Variants in CPHXL observed in about 807,000 individuals in gnomAD.
CPHXL encodes cytoplasmic polyadenylated homeobox-like protein.
chr16:75,717,474 TTCTC>T (rs1293267929), intron 2 of CPHXL, among the ~76,000 whole-genome samples: 1 of 152,232 alleles, frequency 6.6e-6, no homozygotes, highest in Non-Finnish European at 1.5e-5. Flanking sequence ...ACTATGCACA[TTCTC>T]TCATATGCTT....
intron 1 of CPHXL, among the ~76,000 whole-genome samples, chr16:75,725,299 C>G (rs989722623): frequency 6.6e-6 from 1 of 151,764 alleles, no homozygotes; most frequent in East Asian, 1.9e-4. Context: ...TTCTTTTTTT[C>G]TTTATTTTTG....
chr16:75,725,906 C>T (rs185905106), intron 1 of CPHXL, among the ~76,000 whole-genome samples: 1 of 151,542 alleles, frequency 6.6e-6, no homozygotes, highest in Non-Finnish European at 1.5e-5. Context: ...GCCAGTCATA[C>T]TAAATTGGAT....
chr16:75,717,434 T>C (rs901714130), intron 2 of CPHXL, among the ~76,000 whole-genome samples: 1 of 152,242 alleles, frequency 6.6e-6, no homozygotes, highest in African/African-American at 2.4e-5. Flanking sequence ...GGCCCTCATA[T>C]ATATAAAACG....
intron 1 of CPHXL, among the ~76,000 whole-genome samples, chr16:75,724,258 G>A (rs1462320715): frequency 5.3e-5 from 8 of 152,308 alleles, no homozygotes; most frequent in Middle Eastern, 3.4e-3. Flanking sequence ...GGCAACGAAA[G>A]CCAAAATTGA....
chr16:75,719,298 G>T (rs1182293892), intron 1 of CPHXL, among the ~76,000 whole-genome samples: 1 of 152,158 alleles, frequency 6.6e-6, no homozygotes, highest in Non-Finnish European at 1.5e-5. Flanking sequence ...GCCGAAGCAG[G>T]GTGAGGCATC....
intron 1 of CPHXL, among the ~76,000 whole-genome samples, chr16:75,719,698 G>T (rs1410826182): frequency 6.6e-6 from 1 of 152,200 alleles, no homozygotes. Flanking sequence ...CCAAATAAAA[G>T]GCAGCAGAAT....
intron 1 of CPHXL, among the ~76,000 whole-genome samples, chr16:75,719,066 A>G (rs1352003344): frequency 6.6e-6 from 1 of 151,988 alleles, no homozygotes; most frequent in East Asian, 1.9e-4. Flanking sequence ...TAAATTAAAC[A>G]TGTATAAATA....
At chr16:75,723,785 C>T (rs988780337) in intron 1 of CPHXL, among the ~76,000 whole-genome samples, 44 of 152,168 alleles carry the variant, frequency 2.9e-4, no homozygotes, top group African/African-American at 8.4e-4. Flanking sequence ...AAAGAGCCCA[C>T]ATTGCCAAGT....
intron 2 of CPHXL, among the ~76,000 whole-genome samples, chr16:75,715,766 A>G (rs940675260): frequency 2.6e-5 from 4 of 151,390 alleles, no homozygotes; most frequent in African/African-American, 9.7e-5. Context: ...GTGTGATCTC[A>G]GCTCACTGCA....
chr16:75,718,205 T>G, intron 2 of CPHXL, 60 bp downstream of exon 2: 1 of 396,938 alleles, frequency 2.5e-6, no homozygotes, highest in East Asian at 3.6e-5. Context: ...GTGATAGGAG[T>G]GAGACCTTGT....
At chr16:75,722,825 G>GATGA (rs1182662901) in intron 1 of CPHXL, among the ~76,000 whole-genome samples, 1 of 152,150 alleles carries the variant, frequency 6.6e-6, no homozygotes, top group African/African-American at 2.4e-5. Flanking sequence ...CAATATCCCT[G>GATGA]ATGAACATTG....
In CPHXL at chr16:75,718,438, G is replaced by C. The variant is rs954379462; in HGVS notation, c.46C>G (p.His16Asp). Residue 16 changes from histidine to aspartate, a missense_variant, in exon 2 of 3, where the codon CAT becomes GAT. Coordinates refer to ENST00000640559, the MANE Select transcript of CPHXL (RefSeq NM_001355613.1). ...TTTGTTTGTCTTTCTTCATTATGAT[G>C]ATCCTCTTCAGCTGGGAAACCTGAC... ...TSGGFPAEED[H>D]HNEERQTKNK... 5.0e-6 allele frequency: 2 copies of C among 398,338 alleles called. No homozygotes were observed. Among genetic ancestry groups the C allele is most frequent in the African/African-American group, 4.1e-5 (2 of 48,572 alleles). 24.7% of individuals were successfully genotyped at this position (398,338 alleles called of 1,614,324 possible). A position where few individuals can be genotyped will look rare whatever the true frequency, so the allele number is the denominator to read the frequency against.
chr16:75,726,102 T>C (rs953697312), intron 1 of CPHXL, among the ~76,000 whole-genome samples: 27 of 152,034 alleles, frequency 1.8e-4, no homozygotes, highest in Admixed American at 7.9e-4. Context: ...CAAGAACTGG[T>C]ACTTTGTAAT....
At chr16:75,721,590 C>A (rs1435057668) in intron 1 of CPHXL, among the ~76,000 whole-genome samples, 2 of 152,164 alleles carry the variant, frequency 1.3e-5, no homozygotes, top group Admixed American at 1.3e-4. Context: ...CAGGAGCACC[C>A]AGATTCATAA....
Position 75,714,389 on chromosome 16 carries a change from C to G in CPHXL, c.1053G>C (p.Gln351His), listed in dbSNP as rs1332758689. The change falls in exon 3 of 3, where the codon CAG becomes CAC. Residue 351 changes from glutamine (Q) to histidine (H), a missense_variant. Physicochemically the swap from Gln to His is conservative, Grantham distance 24. Transcript: ENST00000640559. ...GAGGCAGTTGACTCTGCAGCTGTGA[C>G]TGAGCCGAGGACCACTGCTTCCCTA... ...WDLGKQWSSA[Q>H]SQLQSQLPQN... The G allele has an allele frequency of 7.5e-6, 3 of 398,606 alleles. No homozygotes were observed. The highest frequency in any genetic ancestry group is 3.6e-5 in the East Asian group (1 of 28,072). The allele number at this position is 398,606 out of a possible 1,614,324, so 24.7% of individuals were successfully genotyped here. A position where few individuals can be genotyped will look rare whatever the true frequency, so the allele number is the denominator to read the frequency against.
rs1286950455 is a variant in CPHXL at position 75,723,302 on chromosome 16, A to G, written c.25+3116T>C. Among the ~76,000 whole-genome samples, 3 of 152,186 alleles carry G rather than the reference A, an allele frequency of 2.0e-5. No homozygotes were observed. The East Asian group carries it at 5.8e-4, about 29-fold the overall frequency. On this transcript the variant is annotated intron_variant, in intron 1 of 2. Coordinates refer to ENST00000640559, the MANE Select transcript of CPHXL (RefSeq NM_001355613.1). ...AGGGTATTCAATTAGGAAAAGAGGA[A>G]GTCAAATTGTCCCTGTTTGCAGATG...
intron 1 of CPHXL, among the ~76,000 whole-genome samples, chr16:75,723,194 A>G (rs1176443533): frequency 2.6e-5 from 4 of 152,188 alleles, no homozygotes; most frequent in African/African-American, 7.2e-5. Context: ...CTGGCACAAG[A>G]CAGGGATGCC....
At chr16:75,721,896 C>A (rs1231740149) in intron 1 of CPHXL, among the ~76,000 whole-genome samples, 1 of 152,160 alleles carries the variant, frequency 6.6e-6, no homozygotes, top group Non-Finnish European at 1.5e-5. Flanking sequence ...GAAATTATAA[C>A]AAACTGTCTC....
rs553833774 is a variant in CPHXL at position 75,724,254 on chromosome 16, G to A, written c.25+2164C>T. Among the ~76,000 whole-genome samples the A allele has an allele frequency of 3.8e-3, 573 of 152,176 alleles. 1 individual carries two copies. Among genetic ancestry groups the A allele is most frequent in the African/African-American group, 0.011 (459 of 41,528 alleles). On this transcript the variant is annotated intron_variant, in intron 1 of 2. Transcript: ENST00000640559. ...CTAAAACACCAAAAGCAATGGCAACGAAAGCCAAAATTGACAAATGGGATC... is the reference window on the plus strand; with the variant it reads ...CTAAAACACCAAAAGCAATGGCAACAAAAGCCAAAATTGACAAATGGGATC...
Sources: gnomAD v4.1 joint callset for allele counts (sites outside exome capture counted in the v4.1 genomes callset) on GRCh38, gnomAD v4.1.1 for gene constraint, MANE v1.5 for transcripts, NCBI Gene and HGNC (gene_info 2026-07-23, HGNC 2026-07-21) for gene names.